The following DACT2 variants were observed in gnomAD, a reference collection of about 807,000 sequenced individuals.
DACT2 encodes the protein dishevelled binding antagonist of beta catenin 2.
DACT2 carries 20 observed loss-of-function variants against 22.2 expected under a neutral mutation model. That is an observed-to-expected ratio of 0.90 (90% CI 0.63 to 1.31). DACT2 has a LOEUF of 1.31. DACT2 is among the 50% of genes most tolerant of loss of function. The pLI is 0.00. For synonymous variants in DACT2, 463 were observed against 479.8 expected (o/e 0.96, Z 0.46); for missense variants, 1,048 against 1,061.4 (o/e 0.99, Z 0.18).
rs143779823 is a variant in DACT2, at chr6:168,307,200, G to A, written c.*232C>T. On this transcript the variant is annotated 3_prime_UTR_variant, in exon 4 of 4. Transcript: ENST00000366795. This position sits in a 1 kb window ranked among gnomAD's most constrained non-coding sequence, Gnocchi z 5.3. ...CTTGAAAAGAGACACTAGGTCGGCC[G>A]GGGAGGCTGCTGGCATCTGAAACCA... is the stretch of plus-strand genomic sequence containing the variant. 1.9e-4 allele frequency: 259 copies of A among 1,384,594 alleles called. 6 individuals carry two copies. The East Asian group carries it at 6.3e-3, about 34-fold the overall frequency. The allele number at this position is 1,384,594 out of a possible 1,614,324, so 85.8% of individuals were successfully genotyped here.
intron 3 of DACT2, 61 bp downstream of exon 3, chr6:168,310,107 C>T: frequency 1.3e-6 from 2 of 1,535,176 alleles, no homozygotes; most frequent in Non-Finnish European, 1.8e-6. Context: ...CAGCTGGGGA[C>T]TGCACTCTGC....
At chr6:168,294,701 A>C in exon 4 of DACT2, 1 of 1,478,692 alleles carries the variant, frequency 6.8e-7, no homozygotes, top group South Asian at 1.4e-5. Flanking sequence ...AGCATTGCAC[A>C]GCTCTGGTAA....
intron 3 of DACT2, chr6:168,299,471 A>T (rs907202432): frequency 6.6e-6 from 1 of 152,216 alleles, no homozygotes; most frequent in Admixed American, 6.5e-5. Context: ...GTTAAATAAA[A>T]AGGATATTTG....
chr6:168,297,720 T>C (rs746679930), intron 3 of DACT2, among the ~76,000 whole-genome samples: 13 of 151,798 alleles, frequency 8.6e-5, no homozygotes, highest in South Asian at 6.2e-4. Context: ...ACAGAGAGAG[T>C]CTTGCTTGCG....
chr6:168,294,577 G>GTATATA (rs1554269708), intron 4 of DACT2: 91 of 124,460 alleles, frequency 7.3e-4, no homozygotes, highest in African/African-American at 4.4e-3. Context: ...GTGTGTGTGT[G>GTATATA]TATATATATA....
At chr6:168,315,957 TA>T (rs1310832268) in intron 1 of DACT2, among the ~76,000 whole-genome samples, 6 of 152,226 alleles carry the variant, frequency 3.9e-5, no homozygotes, top group African/African-American at 1.2e-4. Context: ...AAGAAAAATG[TA>T]AAAGTGTTAA....
downstream of DACT2, among the ~76,000 whole-genome samples, chr6:168,305,397 C>T (rs1221521263): frequency 6.6e-6 from 1 of 152,238 alleles, no homozygotes; most frequent in African/African-American, 2.4e-5. Flanking sequence ...AGACCCACTG[C>T]ACTCACTCTC....
Position 168,307,977 on chromosome 6 carries a change from C to T in DACT2, c.1780G>A (p.Glu594Lys), listed in dbSNP as rs1562495200. 4 of 1,551,162 alleles carry T rather than the reference C, an allele frequency of 2.6e-6. No homozygotes were observed. The highest frequency in any genetic ancestry group is 2.6e-6 in the Non-Finnish European group (3 of 1,146,876). ...GCCACTGAGGTGAGCAGTGACGCCT[C>T]AAAGGGGAACAGGGCTTGGGCTGAG... ...RTSAQALFPFEASLLTSVARR... is the reference protein window; with the variant it reads ...RTSAQALFPFKASLLTSVARR... The change falls in exon 4 of 4, where the codon GAG (glutamate) becomes AAG (lysine). Residue 594 changes from glutamate (E) to lysine (K), a missense_variant. By Grantham distance (56) the Glu-to-Lys change is moderately conservative. Transcript: ENST00000366795. This position sits in a 1 kb window ranked among gnomAD's most constrained non-coding sequence, Gnocchi z 5.3.
chr6:168,294,563 GTGTGTGTGTGTGTGTATA>G, intron 4 of DACT2: 3 of 327,710 alleles, frequency 9.2e-6, no homozygotes, highest in South Asian at 8.2e-5. Flanking sequence ...GTGTGTGTAT[GTGTGTGTGTGTGTGTATA>G]TATATATATA....
exon 6 of DACT2, chr6:168,293,890 T>C: frequency 1.4e-6 from 1 of 703,396 alleles, no homozygotes; most frequent in Non-Finnish European, 2.6e-6. Flanking sequence ...GGTGTAGTGC[T>C]CTGTCATTGC....
intron 3 of DACT2, among the ~76,000 whole-genome samples, chr6:168,296,981 G>T (rs1336293905): frequency 1.3e-5 from 2 of 152,180 alleles, no homozygotes; most frequent in African/African-American, 4.8e-5. Context: ...TGGGGGAAAA[G>T]GGTATGTAGA....
intron 1 of DACT2, among the ~76,000 whole-genome samples, chr6:168,316,332 TG>T (rs1320449716): frequency 6.6e-4 from 83 of 126,484 alleles, no homozygotes; most frequent in Non-Finnish European, 9.7e-4. Context: ...CGATTGTGTC[TG>T]GTGCAAACAC....
downstream of DACT2, among the ~76,000 whole-genome samples, chr6:168,305,340 C>T (rs1053095269): frequency 1.3e-5 from 2 of 150,342 alleles, no homozygotes; most frequent in African/African-American, 5.0e-5. Flanking sequence ...GGAAACCACG[C>T]CTAGCTTTCT....
chr6:168,303,077 C>CG (rs1189772152), downstream of DACT2, among the ~76,000 whole-genome samples: 1 of 152,168 alleles, frequency 6.6e-6, no homozygotes, highest in Admixed American at 6.5e-5. Context: ...TAATTTTGCC[C>CG]TTTTTTCACT....
rs919466986 is a variant in DACT2 at position 168,301,625 on chromosome 6, C to T, written c.659-6921G>A. Among the ~76,000 whole-genome samples, 14 of 152,202 alleles carry T rather than the reference C, an allele frequency of 9.2e-5. 1 individual carries two copies. The East Asian group carries it at 1.4e-3, about 15-fold the overall frequency. On this transcript the variant is annotated intron_variant, in intron 3 of 5. Coordinates refer to the DACT2 transcript ENST00000366796. ...GGGACCAACCAGAGAAGGCGAGATA[C>T]GCCCCCAGGATGCCCGCCTCTCATT...
chr6:168,309,487 C>T (rs1484848018), intron 3 of DACT2, among the ~76,000 whole-genome samples: 6 of 58,624 alleles, frequency 1.0e-4, no homozygotes, highest in East Asian at 3.5e-3. Context: ...GCGCCTGCAG[C>T]GCGGCCCCCT....
At chr6:168,311,353 T>C in intron 1 of DACT2, 69 bp from the exon 2 acceptor site, 1 of 1,447,746 alleles carries the variant, frequency 6.9e-7, no homozygotes, top group Non-Finnish European at 9.2e-7. Context: ...CTCAAAGGGG[T>C]GAAAACATGC....
chr6:168,312,898 G>A (rs1164430600), intron 1 of DACT2, among the ~76,000 whole-genome samples: 2 of 152,060 alleles, frequency 1.3e-5, no homozygotes, highest in South Asian at 2.1e-4. Context: ...TTTTCCAAAC[G>A]CAAGTGCCTA....
At chr6:168,311,594 A>ACTCACACACAAACACACACACC (rs1562498558) in intron 1 of DACT2, among the ~76,000 whole-genome samples, 1,561 of 65,568 alleles carry the variant, frequency 0.024, 24 homozygotes, top group Middle Eastern at 0.066. Context: ...CCACACACAC[A>ACTCACACACAAACACACACACC]CATACACACA....
Sources: gnomAD v4.1 joint callset for allele counts (sites outside exome capture counted in the v4.1 genomes callset) on GRCh38, gnomAD v4.1.1 for gene constraint, Gnocchi (gnomAD v3.1) non-coding constraint, MANE v1.5 for transcripts, NCBI Gene and HGNC (gene_info 2026-07-23, HGNC 2026-07-21) for gene names.